ACVR1C: variants seen among roughly 807,000 people sequenced by gnomAD.
The protein encoded by ACVR1C is activin A receptor type 1C, also known as activin receptor type-1C.
ACVR1C carries 23 observed loss-of-function variants against 57.9 expected under a neutral mutation model. The observed-to-expected ratio is 0.40, with a 90% CI of 0.29 to 0.56. The LOEUF (loss-of-function observed/expected upper bound fraction) is 0.56, where lower values mean the gene tolerates loss of function less well. ACVR1C is among the 20% of genes least tolerant of loss of function. The pLI is 0.50. For synonymous variants in ACVR1C, 214 were observed against 215.3 expected, an observed-to-expected ratio of 0.99 and a Z score of 0.05; for missense variants, 480 against 607.9, an observed-to-expected ratio of 0.79 and a Z score of 2.21.
chr2:157,610,793 T>C (rs796863161), intron 1 of ACVR1C, among the ~76,000 whole-genome samples: 3 of 152,274 alleles, frequency 2.0e-5, no homozygotes, highest in African/African-American at 7.2e-5. Context: ...CTTCAAGTTC[T>C]GAGATTATTT....
chr2:157,608,702 G>C (rs527639917), intron 1 of ACVR1C, among the ~76,000 whole-genome samples: 44 of 151,948 alleles, frequency 2.9e-4, no homozygotes, highest in Middle Eastern at 3.4e-3. Flanking sequence ...ATTCAATCTT[G>C]ATAGGCTGTA....
intron 3 of ACVR1C, among the ~76,000 whole-genome samples, chr2:157,555,243 C>T (rs1019858792): frequency 1.3e-5 from 2 of 150,550 alleles, no homozygotes; most frequent in Non-Finnish European, 1.5e-5. Flanking sequence ...CTCAGCCTCC[C>T]GAGTAGCTGG....
intron 8 of ACVR1C, among the ~76,000 whole-genome samples, chr2:157,535,590 G>C (rs1199188322): frequency 1.3e-5 from 2 of 152,102 alleles, no homozygotes; most frequent in Non-Finnish European, 2.9e-5. Context: ...CACTTGGAGA[G>C]GCCAAGGCGG....
rs1483728568 is a variant in ACVR1C at position 157,530,502 on chromosome 2, T to C, written c.*3416A>G. 1.3e-5 allele frequency: 2 copies of C among 152,122 alleles called. No homozygotes were observed. The highest frequency in any genetic ancestry group is 2.9e-5 in the Non-Finnish European group (2 of 67,992). The allele number at this position is 152,122 out of a possible 1,614,324, so 9.4% of individuals were successfully genotyped here. A position where few individuals can be genotyped will look rare whatever the true frequency, so the allele number is the denominator to read the frequency against. Reference sequence around the variant, plus strand: ...GAAAATAGGAGTAGTTTTGTTTTGTTTTATTAGTAATTCTACAATAGTAGG... The same window carrying C: ...GAAAATAGGAGTAGTTTTGTTTTGTCTTATTAGTAATTCTACAATAGTAGG... On this transcript the variant is annotated 3_prime_UTR_variant, in exon 9 of 9. Coordinates refer to ENST00000243349, the MANE Select transcript of ACVR1C (RefSeq NM_145259.3).
intron 2 of ACVR1C, among the ~76,000 whole-genome samples, chr2:157,579,194 C>A (rs1371340925): frequency 1.3e-5 from 2 of 152,106 alleles, no homozygotes; most frequent in African/African-American, 4.8e-5. Context: ...GAGCTGTTAC[C>A]TTTGCAGACA....
At chr2:157,609,136 G>T (rs549587622) in intron 1 of ACVR1C, among the ~76,000 whole-genome samples, 6 of 151,584 alleles carry the variant, frequency 4.0e-5, no homozygotes, top group Admixed American at 1.3e-4. Flanking sequence ...CACTGCTTTT[G>T]CTATATCCCA....
At position 157,572,912 on chromosome 2, in the gene ACVR1C, A is replaced by T. The variant is rs2105242013; in HGVS notation, c.304+14275T>A. On this transcript the variant is annotated intron_variant, in intron 2 of 8. Coordinates refer to ENST00000243349, the MANE Select transcript of ACVR1C (RefSeq NM_145259.3). ...GGATTTGTTCGTGTGATGGCAGAAC[A>T]ATTCCACAAGGGGTCCAGTGAGTAT... is the stretch of plus-strand genomic sequence containing the variant. Among the ~76,000 whole-genome samples the T allele has an allele frequency of 1.3e-5, 2 of 152,286 alleles. 1 individual carries two copies. The highest frequency in any genetic ancestry group is 4.1e-4 in the South Asian group (2 of 4,826).
At chr2:157,605,649 CT>C (rs1383828103) in intron 1 of ACVR1C, among the ~76,000 whole-genome samples, 2 of 151,600 alleles carry the variant, frequency 1.3e-5, no homozygotes, top group Admixed American at 1.3e-4. Context: ...ACATCCTCCC[CT>C]ATACTTCATT....
rs866791140 is a variant in ACVR1C, at chr2:157,595,027, C to T, written c.74-7610G>A. ...TTCTGCTTATCAGCGTGGTGATTAA[C>T]TGAAATTTTCACCTTTCAAAGAAAG... On this transcript the variant is annotated intron_variant, in intron 1 of 8. Transcript: ENST00000243349. Among the ~76,000 whole-genome samples, 3 of 152,306 alleles carry T rather than the reference C, an allele frequency of 2.0e-5. No individual in the cohort carries two copies. The South Asian group carries it at 6.2e-4, about 32-fold the overall frequency.
chr2:157,573,258 C>A (rs1558982849), intron 2 of ACVR1C, among the ~76,000 whole-genome samples: 1 of 152,124 alleles, frequency 6.6e-6, no homozygotes, highest in East Asian at 1.9e-4. Context: ...ATACACCTAC[C>A]ACAATTGATT....
At chr2:157,625,517 C>T (rs1314644735) in intron 1 of ACVR1C, among the ~76,000 whole-genome samples, 1 of 150,064 alleles carries the variant, frequency 6.7e-6, no homozygotes, top group African/African-American at 2.4e-5. Flanking sequence ...TCAGTCAGCC[C>T]TGAGCTTTCA....
At chr2:157,628,549 CG>C in intron 1 of ACVR1C, 22 bp downstream of exon 1, 1 of 1,604,002 alleles carries the variant, frequency 6.2e-7, no homozygotes, top group South Asian at 1.1e-5. Flanking sequence ...TCGCGGGCGT[CG>C]GGAGAGAAAC....
chr2:157,556,361 C>A, intron 2 of ACVR1C, 29 bp from the exon 3 acceptor site: 2 of 1,602,002 alleles, frequency 1.2e-6, no homozygotes, highest in South Asian at 2.2e-5. Context: ...AGAACATGAC[C>A]ATAAATCAAA....
rs143936580 is a variant in ACVR1C, at chr2:157,619,606, C to T, written c.73+8966G>A. Among the ~76,000 whole-genome samples, 558 of 152,084 alleles carry T rather than the reference C, an allele frequency of 3.7e-3. 2 individuals carry two copies. Among genetic ancestry groups the T allele is most frequent in the African/African-American group, 0.013 (521 of 41,532 alleles). ...CAGAGTTAAGTGGATGCAACAGTAA[C>T]TATTTGTTTCACAAGCCTAAAATAG... On this transcript the variant is annotated intron_variant, in intron 1 of 8. Coordinates refer to ENST00000243349, the MANE Select transcript of ACVR1C (RefSeq NM_145259.3).
intron 1 of ACVR1C, among the ~76,000 whole-genome samples, chr2:157,616,073 T>C (rs1248728530): frequency 6.6e-6 from 1 of 152,162 alleles, no homozygotes; most frequent in Non-Finnish European, 1.5e-5. Context: ...ATCTGGAAAT[T>C]ATTAACCAAT....
At chr2:157,623,739 A>G (rs1212605834) in intron 1 of ACVR1C, among the ~76,000 whole-genome samples, 1 of 152,118 alleles carries the variant, frequency 6.6e-6, no homozygotes, top group Admixed American at 6.5e-5. Context: ...AAAATAAAGA[A>G]TGTAATTGGA....
intron 1 of ACVR1C, among the ~76,000 whole-genome samples, chr2:157,595,435 C>T (rs1682071557): frequency 6.6e-6 from 1 of 152,182 alleles, no homozygotes; most frequent in Non-Finnish European, 1.5e-5. Context: ...AAAAAACAGA[C>T]CCTATTTGAA....
chr2:157,615,694 T>TA (rs1180575056), intron 1 of ACVR1C, among the ~76,000 whole-genome samples: 1 of 152,128 alleles, frequency 6.6e-6, no homozygotes, highest in Non-Finnish European at 1.5e-5. Flanking sequence ...CTCTTTCATT[T>TA]AAAAAAACTT....
Position 157,628,753 on chromosome 2 carries a change from C to A in ACVR1C, c.-109G>T. ...CGGGCCGCGGGAGGGGAGCGCGGCA[C>A]CGACACCCTTTTGAAGTGCGCGGTT... On this transcript the variant is annotated 5_prime_UTR_variant, in exon 1 of 9. Transcript: ENST00000243349. The A allele has an allele frequency of 2.0e-6, 2 of 1,003,238 alleles. No individual in the cohort carries two copies. The highest frequency in any genetic ancestry group is 3.6e-5 in the South Asian group (2 of 55,980). The allele number at this position is 1,003,238 out of a possible 1,614,324, so 62.1% of individuals were successfully genotyped here. A position where few individuals can be genotyped will look rare whatever the true frequency, so the allele number is the denominator to read the frequency against.
Sources: allele counts gnomAD v4.1 joint callset (sites outside exome capture counted in the v4.1 genomes callset), GRCh38; gene constraint gnomAD v4.1.1; transcripts MANE v1.5; gene names NCBI Gene and HGNC (gene_info 2026-07-23, HGNC 2026-07-21).